Variants in ZNF627 observed in about 807,000 individuals in gnomAD.
ZNF627 encodes zinc finger protein 627.
In ZNF627, 12 loss-of-function variants were observed where a neutral mutation model predicts 10.6. The ratio of observed to expected loss-of-function variants is 1.13; its 90% CI spans 0.73 to 1.84. The LOEUF is 1.84. ZNF627 is among the 40% of genes most tolerant of loss of function. The probability of loss-of-function intolerance (pLI) is 0.00; values close to 1 mark genes in which losing one functional copy is unlikely to be tolerated. For synonymous variants in ZNF627, 176 were observed against 187.1 expected (o/e 0.94, Z 0.48); for missense variants, 504 against 568.4 (o/e 0.89, Z 1.15).
intron 1 of ZNF627, among the ~76,000 whole-genome samples, chr19:11,602,971 C>T (rs1268196167): frequency 6.6e-6 from 1 of 152,164 alleles, no homozygotes; most frequent in Non-Finnish European, 1.5e-5. Context: ...CGTCTGTACC[C>T]ACAGGTGACC....
At position 11,617,103 on chromosome 19, in the gene ZNF627, T is replaced by A; in HGVS notation, c.600T>A (p.Cys200Ter). 1 of 1,614,136 alleles carries A rather than the reference T, an allele frequency of 6.2e-7. No individual in the cohort carries two copies. The highest frequency in any genetic ancestry group is 1.1e-5 in the South Asian group (1 of 91,080). ...RGGVPYKCKV[C>*]GKAFDYPSLF... ...GTGTACCTTACAAATGTAAGGTGTG[T>A]GGGAAAGCCTTTGATTATCCCAGTT... Residue 200 changes from cysteine (C) to a stop codon, truncating the protein, a stop_gained, in exon 4 of 4, where the codon TGT (cysteine) becomes TGA (stop). Transcript: ENST00000361113. LOFTEE classifies it low-confidence loss of function (END_TRUNC).
At chr19:11,609,924 T>G (rs760998185) in intron 1 of ZNF627, among the ~76,000 whole-genome samples, 10 of 152,178 alleles carry the variant, frequency 6.6e-5, no homozygotes, top group Non-Finnish European at 1.3e-4. Context: ...GCTTAAAGTC[T>G]TCGTCCAGTG....
Position 11,614,865 on chromosome 19 carries a change from A to G in ZNF627, c.169A>G (p.Lys57Glu), listed in dbSNP as rs1264955746. Reference protein sequence around the residue: ...WEDQNIEDPFKIPRRNISHIP... With the variant: ...WEDQNIEDPFEIPRRNISHIP... Reference sequence around the variant, plus strand: ...AGACCAGAACATTGAAGACCCATTCAAAATTCCCAGGAGAAATATAAGGTA... The same window carrying G: ...AGACCAGAACATTGAAGACCCATTCGAAATTCCCAGGAGAAATATAAGGTA... The change falls in exon 3 of 4, where the codon AAA (lysine) becomes GAA (glutamate). Residue 57 changes from lysine (K) to glutamate (E), a missense_variant. Transcript: ENST00000361113. The G allele has an allele frequency of 1.2e-6, 2 of 1,607,734 alleles. No individual in the cohort carries two copies. The highest frequency in any genetic ancestry group is 1.7e-6 in the Non-Finnish European group (2 of 1,178,116).
At position 11,617,856 on chromosome 19, in the gene ZNF627, C is replaced by A; in HGVS notation, c.1353C>A (p.Asn451Lys). The change falls in exon 4 of 4, where the codon AAC becomes AAA. Residue 451 changes from asparagine (N) to lysine (K), a missense_variant. Physicochemically the swap from Asn to Lys is moderately conservative, Grantham distance 94. Coordinates refer to ENST00000361113, the MANE Select transcript of ZNF627 (RefSeq NM_145295.4). The stretch of plus-strand genomic sequence containing the variant: ...GAGAGAAACCCTATGAGAACCCTAA[C>A]CCTAACGCTTCAGTTGTCCCAGTTC... ...HTGEKPYENP[N>K]PNASVVPVLS The A allele has an allele frequency of 6.4e-7, 1 of 1,567,992 alleles. No individual in the cohort carries two copies. Among genetic ancestry groups the A allele is most frequent in the Non-Finnish European group, 8.6e-7 (1 of 1,163,368 alleles).
At position 11,601,587 on chromosome 19, in the gene ZNF627, A is replaced by G. The variant is rs74647117; in HGVS notation, c.3+3957A>G. ...GGTCTCTAACTCCTGGCCTCGAGCAATCCTCCCACCGTAGCCTCCCCAAAT... is the reference window on the plus strand; with the variant it reads ...GGTCTCTAACTCCTGGCCTCGAGCAGTCCTCCCACCGTAGCCTCCCCAAAT... On this transcript the variant is annotated intron_variant, in intron 1 of 3. Transcript: ENST00000361113. 0.011 allele frequency among the ~76,000 whole-genome samples: 1,736 copies of G among 152,046 alleles called. 72 individuals are homozygous for G. The East Asian group carries it at 0.13, about 11-fold the overall frequency.
At chr19:11,605,581 T>C (rs1973660554) in intron 1 of ZNF627, among the ~76,000 whole-genome samples, 1 of 152,062 alleles carries the variant, frequency 6.6e-6, no homozygotes, top group South Asian at 2.1e-4. Context: ...AAGCCCATTA[T>C]AAAACCAGAT....
At chr19:11,609,799 T>A (rs1033785551) in intron 1 of ZNF627, among the ~76,000 whole-genome samples, 1 of 151,988 alleles carries the variant, frequency 6.6e-6, no homozygotes, top group African/African-American at 2.4e-5. Context: ...ACTGCAGGCG[T>A]GAGCCACCGC....
intron 1 of ZNF627, among the ~76,000 whole-genome samples, chr19:11,606,480 C>A (rs1205058585): frequency 6.6e-6 from 1 of 152,242 alleles, no homozygotes; most frequent in Non-Finnish European, 1.5e-5. Context: ...CTCCTGGCTG[C>A]TTTCACAGCT....
At chr19:11,604,127 G>A (rs1469968180) in intron 1 of ZNF627, 1 of 152,028 alleles carries the variant, frequency 6.6e-6, no homozygotes, top group African/African-American at 2.4e-5. Context: ...TATCATATAT[G>A]ATGATGATCA....
intron 1 of ZNF627, among the ~76,000 whole-genome samples, chr19:11,602,728 C>T (rs1179446792): frequency 6.6e-6 from 1 of 152,130 alleles, no homozygotes; most frequent in Non-Finnish European, 1.5e-5. Flanking sequence ...TGGTTGTGTT[C>T]AGCAAACACC....
intron 1 of ZNF627, among the ~76,000 whole-genome samples, chr19:11,608,868 CTT>C (rs930358007): frequency 4.6e-5 from 7 of 151,846 alleles, no homozygotes; most frequent in African/African-American, 1.2e-4. Flanking sequence ...ATTACAATAA[CTT>C]ATTATTATTA....
intron 1 of ZNF627, among the ~76,000 whole-genome samples, chr19:11,601,583 A>G (rs1973585908): frequency 6.6e-6 from 1 of 152,056 alleles, no homozygotes; most frequent in South Asian, 2.1e-4. Context: ...CCTGGCCTCG[A>G]GCAATCCTCC....
At chr19:11,601,597 C>T (rs1305175250) in intron 1 of ZNF627, among the ~76,000 whole-genome samples, 1 of 152,092 alleles carries the variant, frequency 6.6e-6, no homozygotes, top group African/African-American at 2.4e-5. Context: ...ATCCTCCCAC[C>T]GTAGCCTCCC....
At chr19:11,598,211 A>G in intron 1 of ZNF627, among the ~76,000 whole-genome samples, 1 of 152,022 alleles carries the variant, frequency 6.6e-6, no homozygotes, top group East Asian at 1.9e-4. Context: ...CCTAAATTTT[A>G]TTTCCTTATA....
intron 1 of ZNF627, among the ~76,000 whole-genome samples, chr19:11,613,030 G>A (rs1973799978): frequency 7.4e-6 from 1 of 135,350 alleles, no homozygotes; most frequent in African/African-American, 2.8e-5. Context: ...GGGCACACTC[G>A]CCAAAAGTCA....
rs1195322760 is a variant in ZNF627 at position 11,614,659 on chromosome 19, G to A, written c.130+6G>A. On this transcript the variant is annotated splice_donor_region_variant and intron_variant, in intron 2 of 3. Coordinates refer to ENST00000361113, the MANE Select transcript of ZNF627 (RefSeq NM_145295.4). Reference sequence around the variant, plus strand: ...CAGGAACCTGGCTTCTGTAGGTAAGGGTGACAATATTCCTTTCCTCAGTGA... The same window carrying A: ...CAGGAACCTGGCTTCTGTAGGTAAGAGTGACAATATTCCTTTCCTCAGTGA... 12 of 1,613,578 alleles carry A rather than the reference G, an allele frequency of 7.4e-6. No homozygotes were observed. Among genetic ancestry groups the A allele is most frequent in the Non-Finnish European group, 1.0e-5 (12 of 1,179,952 alleles).
At position 11,599,941 on chromosome 19, in the gene ZNF627, C is replaced by T. The variant is rs1324256712; in HGVS notation, c.3+2311C>T. On this transcript the variant is annotated intron_variant, in intron 1 of 3. Coordinates refer to ENST00000361113, the MANE Select transcript of ZNF627 (RefSeq NM_145295.4). Reference sequence around the variant, plus strand: ...GATGTGAAACTTGAGTCAGACGTACCTCTGTTCCAGGTTAGCGCAGCCCCT... The same window carrying T: ...GATGTGAAACTTGAGTCAGACGTACTTCTGTTCCAGGTTAGCGCAGCCCCT... Among the ~76,000 whole-genome samples, 3 of 152,042 alleles carry T rather than the reference C, an allele frequency of 2.0e-5. No individual in the cohort carries two copies. In the East Asian group the frequency reaches 5.8e-4, roughly 29 times the overall value.
chr19:11,610,432 T>C (rs1424964687), intron 1 of ZNF627, among the ~76,000 whole-genome samples: 3 of 151,940 alleles, frequency 2.0e-5, no homozygotes, highest in Non-Finnish European at 4.4e-5. Flanking sequence ...CCCTTTTTTT[T>C]CCTCAAAAAA....
rs756442879 is a variant in ZNF627 at position 11,617,066 on chromosome 19, C to T, written c.563C>T (p.Thr188Met). The part of the protein sequence containing the change: ...SLVSIRRHML[T>M]HRGGVPYKCK... The stretch of plus-strand genomic sequence containing the variant: ...GTAAGCATTCGAAGACACATGTTAA[C>T]GCATAGGGGAGGTGTACCTTACAAA... Residue 188 changes from threonine to methionine, a missense_variant, in exon 4 of 4, where the codon ACG becomes ATG. Thr to Met is a moderately conservative substitution (Grantham distance 81). Coordinates refer to ENST00000361113, the MANE Select transcript of ZNF627 (RefSeq NM_145295.4). 3.2e-5 allele frequency: 52 copies of T among 1,613,886 alleles called. No individual in the cohort carries two copies. The highest frequency in any genetic ancestry group is 9.3e-5 in the African/African-American group (7 of 74,898).
Sources: allele counts gnomAD v4.1 joint callset (sites outside exome capture counted in the v4.1 genomes callset), GRCh38; gene constraint gnomAD v4.1.1; transcripts MANE v1.5; gene names NCBI Gene and HGNC (gene_info 2026-07-23, HGNC 2026-07-21).